RNF125: variants seen among roughly 807,000 people sequenced by gnomAD.
The protein encoded by RNF125 is ring finger protein 125.
Under a neutral mutation model 26.0 loss-of-function variants are expected in RNF125, and 21 were observed. That is an observed-to-expected ratio of 0.81 (90% CI 0.57 to 1.16). The LOEUF is 1.16. Ranked by LOEUF, RNF125 falls within the 50% of genes most tolerant of loss-of-function variation. The probability of loss-of-function intolerance (pLI) is 0.00; values close to 1 mark genes in which losing one functional copy is unlikely to be tolerated. For synonymous variants in RNF125, 95 were observed against 109.2 expected (o/e 0.87, Z 0.81); for missense variants, 270 against 299.4 (o/e 0.90, Z 0.72).
intron 4 of RNF125, among the ~76,000 whole-genome samples, chr18:32,059,664 G>A (rs1042113709): frequency 1.3e-5 from 2 of 152,100 alleles, no homozygotes; most frequent in Non-Finnish European, 2.9e-5. Flanking sequence ...GCCTGTGTTT[G>A]TGGGGTATTA....
chr18:32,083,168 C>G, the RNF125 span, among the ~76,000 whole-genome samples: 3 of 152,128 alleles, frequency 2.0e-5, no homozygotes, highest in African/African-American at 4.8e-5. Flanking sequence ...TGTATTTGCT[C>G]TCCATTGTGG....
intron 1 of RNF125, among the ~76,000 whole-genome samples, chr18:32,019,847 C>T (rs2038969011): frequency 6.6e-6 from 1 of 152,166 alleles, no homozygotes; most frequent in South Asian, 2.1e-4. Context: ...TTCTCAAAAC[C>T]GCATAGTACT....
At chr18:32,050,491 A>C (rs1436723630) in intron 4 of RNF125, among the ~76,000 whole-genome samples, 7 of 151,898 alleles carry the variant, frequency 4.6e-5, no homozygotes, top group Non-Finnish European at 1.0e-4. Context: ...ATAATTCTTT[A>C]ATTATTATTT....
At chr18:32,043,259 G>C (rs1445238890) in intron 3 of RNF125, among the ~76,000 whole-genome samples, 1 of 152,178 alleles carries the variant, frequency 6.6e-6, no homozygotes, top group African/African-American at 2.4e-5. Flanking sequence ...CAAATAAAGT[G>C]ATCTGTGCTC....
Position 32,042,441 on chromosome 18 carries a change from A to G in RNF125, c.413+168A>G, listed in dbSNP as rs35541487. Among the ~76,000 whole-genome samples the G allele has an allele frequency of 9.0e-3, 1,364 of 152,342 alleles. 23 individuals are homozygous for G. The highest frequency in any genetic ancestry group is 0.031 in the African/African-American group (1,289 of 41,590). On this transcript the variant is annotated intron_variant, in intron 3 of 5. Coordinates refer to ENST00000217740, the MANE Select transcript of RNF125 (RefSeq NM_017831.4). ...CATTTGTTGATAGCAATCATTGTTA[A>G]GGAATTTTGCACTGTCTACTTTAAA...
At chr18:32,067,922 A>T (rs1016930323) in intron 5 of RNF125, among the ~76,000 whole-genome samples, 7 of 152,236 alleles carry the variant, frequency 4.6e-5, no homozygotes, top group African/African-American at 1.7e-4. Flanking sequence ...ATTCAGTGGT[A>T]CTGCTGGCAT....
intron 4 of RNF125, among the ~76,000 whole-genome samples, chr18:32,060,406 C>T (rs2039423883): frequency 6.6e-6 from 1 of 152,198 alleles, no homozygotes; most frequent in South Asian, 2.1e-4. Context: ...GGAGGCTAAT[C>T]TTAGAAACAG....
the RNF125 span, among the ~76,000 whole-genome samples, chr18:32,083,579 G>A: frequency 2.6e-5 from 4 of 152,300 alleles, no homozygotes; most frequent in African/African-American, 7.2e-5. Flanking sequence ...CTGTCCTGGC[G>A]AGGAAGCCGG....
chr18:32,074,221 C>T (rs1234615818), downstream of RNF125, among the ~76,000 whole-genome samples: 1 of 152,178 alleles, frequency 6.6e-6, no homozygotes. Flanking sequence ...CTGTGTGTTC[C>T]TATATCACCC....
At chr18:32,043,148 C>CAA (rs548477193) in intron 3 of RNF125, among the ~76,000 whole-genome samples, 7 of 143,716 alleles carry the variant, frequency 4.9e-5, no homozygotes, top group Non-Finnish European at 7.6e-5. Flanking sequence ...GACTCTGTCT[C>CAA]AAAAAAAAAA....
intron 3 of RNF125, among the ~76,000 whole-genome samples, chr18:32,044,397 T>C (rs772593459): frequency 1.6e-4 from 24 of 152,358 alleles, no homozygotes; most frequent in Non-Finnish European, 3.1e-4. Flanking sequence ...CCTTTCAATA[T>C]ATTTTATCTA....
In RNF125 at chr18:32,037,115, G is replaced by C; in HGVS notation, c.165-1G>C. On this transcript the variant is annotated splice_acceptor_variant, in intron 1 of 5. Transcript: ENST00000217740. LOFTEE classifies it high-confidence loss of function. ...ATGTATTTTTGGTCTGTTTGGGGTA[G>C]ATTCTGCCGTTCCTGTATTGCTACC... The C allele has an allele frequency of 6.2e-7, 1 of 1,602,006 alleles. No individual in the cohort carries two copies. Among genetic ancestry groups the C allele is most frequent in the Non-Finnish European group, 8.5e-7 (1 of 1,175,484 alleles).
At position 32,071,777 on chromosome 18, in the gene RNF125, A is replaced by T. The variant is rs997714173; in HGVS notation, c.*3393A>T. 4 of 152,338 alleles carry T rather than the reference A, an allele frequency of 2.6e-5. No homozygotes were observed. Among genetic ancestry groups the T allele is most frequent in the African/African-American group, 7.2e-5 (3 of 41,582 alleles). The allele number at this position is 152,338 out of a possible 1,614,324, so 9.4% of individuals were successfully genotyped here. A position where few individuals can be genotyped will look rare whatever the true frequency, so the allele number is the denominator to read the frequency against. ...AGCTGAATGAAATCTAGTGAGCCTC[A>T]TATCCTCCCTTTTAGATATTGATTT... On this transcript the variant is annotated 3_prime_UTR_variant, in exon 6 of 6. Transcript: ENST00000217740.
At chr18:32,075,950 T>A (rs1157736301), downstream of RNF125, 1 of 1,526,990 alleles carries the variant, frequency 6.5e-7, no homozygotes, top group Non-Finnish European at 9.0e-7. Context: ...TGGTCCATGA[T>A]GCCAGCTGAG....
intron 4 of RNF125, among the ~76,000 whole-genome samples, chr18:32,052,641 C>T (rs995541140): frequency 3.6e-4 from 55 of 152,242 alleles, no homozygotes; most frequent in African/African-American, 1.2e-3. Context: ...TGGCACTTGT[C>T]ATCACATGGG....
Position 32,068,680 on chromosome 18 carries a change from A to C in RNF125, c.*296A>C, listed in dbSNP as rs2039506707. On this transcript the variant is annotated 3_prime_UTR_variant, in exon 6 of 6. Coordinates refer to ENST00000217740, the MANE Select transcript of RNF125 (RefSeq NM_017831.4). ...AGTAGGTGGAGGATCTCGGTTTGCAAATTAGATAATACTCTGTGTATAATG... is the reference window on the plus strand; with the variant it reads ...AGTAGGTGGAGGATCTCGGTTTGCACATTAGATAATACTCTGTGTATAATG... The C allele has an allele frequency of 1.7e-5, 5 of 295,858 alleles. No individual in the cohort carries two copies. The highest frequency in any genetic ancestry group is 1.4e-4 in the Admixed American group (3 of 20,746). 18.3% of individuals were successfully genotyped at this position (295,858 alleles called of 1,614,324 possible). A position where few individuals can be genotyped will look rare whatever the true frequency, so the allele number is the denominator to read the frequency against.
chr18:32,043,529 C>T (rs1175986359), intron 3 of RNF125, among the ~76,000 whole-genome samples: 1 of 152,154 alleles, frequency 6.6e-6, no homozygotes, highest in Non-Finnish European at 1.5e-5. Context: ...TTATAAATTT[C>T]AAATGAGTAT....
In RNF125 at chr18:32,071,509, A is replaced by G. The variant is rs932607557; in HGVS notation, c.*3125A>G. On this transcript the variant is annotated 3_prime_UTR_variant, in exon 6 of 6. Transcript: ENST00000217740. Reference sequence around the variant, plus strand: ...CTTTAATTATGAATCCAGGGCATAGATTAGTATCTCCATCTTGTAAGGATG... The same window carrying G: ...CTTTAATTATGAATCCAGGGCATAGGTTAGTATCTCCATCTTGTAAGGATG... 1 of 152,184 alleles carries G rather than the reference A, an allele frequency of 6.6e-6. No homozygotes were observed. Among genetic ancestry groups the G allele is most frequent in the Non-Finnish European group, 1.5e-5 (1 of 68,030 alleles). The allele number at this position is 152,184 out of a possible 1,614,324, so 9.4% of individuals were successfully genotyped here.
chr18:32,027,376 C>G (rs1157228257), intron 1 of RNF125, among the ~76,000 whole-genome samples: 4 of 152,022 alleles, frequency 2.6e-5, no homozygotes, highest in Non-Finnish European at 5.9e-5. Context: ...CCTTTTGTAT[C>G]TTTTCATAGG....
Sources: gnomAD v4.1 joint callset for allele counts (sites outside exome capture counted in the v4.1 genomes callset) on GRCh38, gnomAD v4.1.1 for gene constraint, MANE v1.5 for transcripts, NCBI Gene and HGNC (gene_info 2026-07-23, HGNC 2026-07-21) for gene names.